ZP1: variants seen among roughly 807,000 people sequenced by gnomAD.
ZP1 encodes the protein zona pellucida glycoprotein 1, also known as zona pellucida sperm-binding protein 1.
Under a neutral mutation model 67.4 loss-of-function variants are expected in ZP1, and 58 were observed. That is an observed-to-expected ratio of 0.86 (90% CI 0.70 to 1.07). ZP1 has a LOEUF of 1.07. Among genes scored for constraint, ZP1 ranks in the 50% least tolerant of loss-of-function variants. The pLI, the probability that ZP1 is intolerant of heterozygous loss-of-function variation, is 0.00. For synonymous variants in ZP1, 333 were observed against 332.7 expected, an observed-to-expected ratio of 1.00 and a Z score of -0.01; for missense variants, 759 against 807.3, an observed-to-expected ratio of 0.94 and a Z score of 0.72.
At chr11:60,870,258 T>A in intron 3 of ZP1, 74 bp from the exon 4 acceptor site, 2 of 1,385,074 alleles carry the variant, frequency 1.4e-6, no homozygotes, top group Non-Finnish European at 1.9e-6. Flanking sequence ...TGGAGCAGGT[T>A]CCCAAGATTC....
chr11:60,874,593 CA>C (rs1289650836), intron 9 of ZP1, among the ~76,000 whole-genome samples: 1 of 152,214 alleles, frequency 6.6e-6, no homozygotes. Context: ...CCAGCCCTCC[CA>C]GGGGCTGTGC....
rs912341624 is a variant in ZP1 at position 60,869,571 on chromosome 11, C to T, written c.353C>T (p.Ala118Val). 1.4e-5 allele frequency: 22 copies of T among 1,611,832 alleles called. No individual in the cohort carries two copies. Among genetic ancestry groups the T allele is most frequent in the Non-Finnish European group, 1.9e-5 (22 of 1,178,602 alleles). Residue 118 changes from alanine to valine, a missense_variant, in exon 3 of 12, where the codon GCT (alanine) becomes GTT (valine). By Grantham distance (64) the Ala-to-Val change is moderately conservative. Transcript: ENST00000278853. The stretch of plus-strand genomic sequence containing the variant: ...TTCCACCTGAGGGTGTTCATGGAGG[C>T]TGTGCTGCCCAATGGTCGTGTGGAT... ...GRFHLRVFME[A>V]VLPNGRVDVA...
At chr11:60,874,570 G>A (rs1184602460) in intron 9 of ZP1, among the ~76,000 whole-genome samples, 2 of 152,246 alleles carry the variant, frequency 1.3e-5, no homozygotes, top group Non-Finnish European at 2.9e-5. Flanking sequence ...TAGGGCAGGT[G>A]GAAGGGAGAG....
rs1229665813 is a variant in ZP1 at position 60,867,625 on chromosome 11, C to T, written c.64C>T (p.Leu22=). The part of the protein sequence containing the change: ...PVALLLLVAT[L]GLGRWLQPDP... ...GGCCCTGCTACTGCTGGTTGCCACCCTGGGGCTGGGTAGGTGGCTCCAGCC... is the reference window on the plus strand; with the variant it reads ...GGCCCTGCTACTGCTGGTTGCCACCTTGGGGCTGGGTAGGTGGCTCCAGCC... Residue 22 remains leucine (L), a synonymous_variant, in exon 1 of 12, where the codon CTG becomes TTG. Transcript: ENST00000278853. 6.2e-7 allele frequency: 1 copy of T among 1,613,672 alleles called. No individual in the cohort carries two copies. The highest frequency in any genetic ancestry group is 8.5e-7 in the Non-Finnish European group (1 of 1,179,822).
Position 60,873,172 on chromosome 11 carries a change from C to A in ZP1, c.1123C>A (p.Arg375Ser), listed in dbSNP as rs763812579. The A allele has an allele frequency of 6.3e-7, 1 of 1,589,014 alleles. No homozygotes were observed. The highest frequency in any genetic ancestry group is 1.2e-5 in the South Asian group (1 of 86,044). ...GCACGTGGACTTCAGGCTTCATGTG[C>A]GCTGTGTCTTCAACGCCAGTGACTT... ...TRDSTFQLHV[R>S]CVFNASDFLP... Residue 375 changes from arginine (R) to serine (S), a missense_variant, in exon 7 of 12, where the codon CGC (arginine) becomes AGC (serine). Coordinates refer to ENST00000278853, the MANE Select transcript of ZP1 (RefSeq NM_207341.4).
In ZP1 at chr11:60,869,832, T is replaced by C; in HGVS notation, c.614T>C (p.Leu205Pro). 1 of 1,607,218 alleles carries C rather than the reference T, an allele frequency of 6.2e-7. No homozygotes were observed. The highest frequency in any genetic ancestry group is 8.5e-7 in the Non-Finnish European group (1 of 1,176,344). ...ALPSPGPGPT[L>P]ATLAQPHWGT... ...CCATCCCCTGGACCTGGACCTACCC[T>C]CGCCACCCTGGCTCAACCCCACTGG... Residue 205 changes from leucine (L) to proline (P), a missense_variant, in exon 3 of 12, where the codon CTC becomes CCC. Coordinates refer to ENST00000278853, the MANE Select transcript of ZP1 (RefSeq NM_207341.4).
chr11:60,868,419 A>AC (rs1294276361), intron 1 of ZP1, among the ~76,000 whole-genome samples: 1 of 152,174 alleles, frequency 6.6e-6, no homozygotes, highest in Non-Finnish European at 1.5e-5. Flanking sequence ...CAGCAGCAGG[A>AC]CCTAGTAGGC....
rs1855638925 is a variant in ZP1, at chr11:60,873,717, T to A, written c.1514T>A (p.Phe505Tyr). 6.2e-7 allele frequency: 1 copy of A among 1,614,052 alleles called. No homozygotes were observed. Among genetic ancestry groups the A allele is most frequent in the African/African-American group, 1.3e-5 (1 of 74,924 alleles). Residue 505 changes from phenylalanine (F) to tyrosine (Y), a missense_variant, in exon 9 of 12, where the codon TTC becomes TAC. Coordinates refer to ENST00000278853, the MANE Select transcript of ZP1 (RefSeq NM_207341.4). ...ATPFQSHYQR[F>Y]TVATFALLDS... ...CCTTTCCAGTCGCACTACCAGCGATTCACTGTTGCTACCTTCGCCCTCCTG... is the reference window on the plus strand; with the variant it reads ...CCTTTCCAGTCGCACTACCAGCGATACACTGTTGCTACCTTCGCCCTCCTG...
intron 6 of ZP1, among the ~76,000 whole-genome samples, chr11:60,872,945 T>G (rs1042387981): frequency 6.6e-6 from 1 of 152,158 alleles, no homozygotes; most frequent in African/African-American, 2.4e-5. Flanking sequence ...ATAACAGGCT[T>G]GAGCCATCCC....
In ZP1 at chr11:60,873,202, C is replaced by A; in HGVS notation, c.1153C>A (p.Pro385Thr). Reference protein sequence around the residue: ...RCVFNASDFLPIQASIFPPPS... With the variant: ...RCVFNASDFLTIQASIFPPPS... ...TGTCTTCAACGCCAGTGACTTCCTG[C>A]CCATTCAGGCATCCATTTTCCCACC... is the stretch of plus-strand genomic sequence containing the variant. Residue 385 changes from proline (P) to threonine (T), a missense_variant, in exon 7 of 12, where the codon CCC becomes ACC. Pro to Thr is a conservative substitution (Grantham distance 38, BLOSUM62 -1). Transcript: ENST00000278853. 1 of 1,607,696 alleles carries A rather than the reference C, an allele frequency of 6.2e-7. No homozygotes were observed. Among genetic ancestry groups the A allele is most frequent in the Non-Finnish European group, 8.5e-7 (1 of 1,176,578 alleles).
In ZP1 at chr11:60,870,384, C is replaced by T. The variant is rs1318629532; in HGVS notation, c.735C>T (p.Cys245=). Residue 245 remains cysteine (C), a synonymous_variant, in exon 4 of 12, where the codon TGC becomes TGT. Coordinates refer to ENST00000278853, the MANE Select transcript of ZP1 (RefSeq NM_207341.4). The part of the protein sequence containing the change: ...QCQVASGHLP[C]IVRRTSKEAC... ...AGGTGGCCTCAGGGCACCTCCCCTG[C>T]ATCGTGAGAAGAACTTCAAAAGAAG... is the stretch of plus-strand genomic sequence containing the variant. The T allele has an allele frequency of 1.2e-6, 2 of 1,613,308 alleles. No homozygotes were observed. Among genetic ancestry groups the T allele is most frequent in the South Asian group, 1.1e-5 (1 of 90,924 alleles).
chr11:60,867,922 A>G (rs750460425), intron 1 of ZP1, among the ~76,000 whole-genome samples, 165 bp downstream of exon 1: 7 of 152,156 alleles, frequency 4.6e-5, no homozygotes, highest in Non-Finnish European at 8.8e-5. Flanking sequence ...GAGGAGAATC[A>G]TCACCCAGGG....
At chr11:60,867,865 C>T (rs1855499869) in intron 1 of ZP1, 108 bp downstream of exon 1, 1 of 1,282,250 alleles carries the variant, frequency 7.8e-7, no homozygotes, top group African/African-American at 1.5e-5. Flanking sequence ...CTCCCTCCAG[C>T]CTGGGGGTGT....
intron 6 of ZP1, among the ~76,000 whole-genome samples, chr11:60,871,623 C>T (rs909855665): frequency 4.6e-5 from 7 of 152,202 alleles, no homozygotes; most frequent in African/African-American, 1.7e-4. Flanking sequence ...TTGGTCTCTC[C>T]AAGAACCAAG....
rs747579377 is a variant in ZP1 at position 60,869,715 on chromosome 11, C to T, written c.497C>T (p.Pro166Leu). ...VSTPQTLSFL[P>L]TSGHTSQGSG... is the part of the protein sequence containing the mutation. ...ACCCCACAAACCCTTTCCTTCCTCC[C>T]CACCTCTGGCCATACCTCCCAAGGC... Residue 166 changes from proline (P) to leucine (L), a missense_variant, in exon 3 of 12, where the codon CCC (proline) becomes CTC (leucine). Transcript: ENST00000278853. The T allele has an allele frequency of 3.1e-6, 5 of 1,614,004 alleles. 1 individual carries two copies. In the Admixed American group the frequency reaches 6.7e-5, roughly 22 times the overall value.
intron 9 of ZP1, 115 bp from the exon 10 acceptor site, chr11:60,874,818 C>A: frequency 1.1e-6 from 1 of 947,410 alleles, no homozygotes. Flanking sequence ...TTTCTCCCTG[C>A]CTGGCTAGCA....
intron 6 of ZP1, among the ~76,000 whole-genome samples, chr11:60,872,040 C>A (rs900089806): frequency 2.0e-5 from 3 of 152,152 alleles, no homozygotes; most frequent in African/African-American, 7.2e-5. Context: ...GGTTGGGGAG[C>A]AGGGGACTGT....
intron 6 of ZP1, among the ~76,000 whole-genome samples, chr11:60,872,837 G>C (rs568947981): frequency 4.6e-5 from 7 of 152,288 alleles, no homozygotes; most frequent in African/African-American, 1.7e-4. Context: ...CGGCACAGCA[G>C]GCAGCTGTGG....
At position 60,871,325 on chromosome 11, in the gene ZP1, C is replaced by G; in HGVS notation, c.1112+11C>G. On this transcript the variant is annotated intron_variant, in intron 6 of 11. Coordinates refer to ENST00000278853, the MANE Select transcript of ZP1 (RefSeq NM_207341.4). ...GGACAGCACCTTCCAGTAAGGGCAG[C>G]CCTCCTCCTACAGGCGTGGCTGTGT... 6.2e-7 allele frequency: 1 copy of G among 1,613,024 alleles called. No homozygotes were observed. Among genetic ancestry groups the G allele is most frequent in the South Asian group, 1.1e-5 (1 of 91,046 alleles).
Sources: allele counts gnomAD v4.1 joint callset (sites outside exome capture counted in the v4.1 genomes callset), GRCh38; gene constraint gnomAD v4.1.1; transcripts MANE v1.5; gene names NCBI Gene and HGNC (gene_info 2026-07-23, HGNC 2026-07-21).